Variants in NDNF observed in about 807,000 individuals in gnomAD.
NDNF encodes the protein protein NDNF.
A neutral mutation model predicts 42.0 loss-of-function variants in NDNF; 16 were observed. The ratio of observed to expected loss-of-function variants is 0.38; its 90% CI spans 0.26 to 0.58. The LOEUF (loss-of-function observed/expected upper bound fraction) is 0.58. NDNF is among the 20% of genes least tolerant of loss of function. The probability of loss-of-function intolerance (pLI) is 0.67; values close to 1 mark genes in which losing one functional copy is unlikely to be tolerated. For missense variants in NDNF, 616 were observed against 666.2 expected (o/e 0.92, Z 0.83); for synonymous variants, 248 against 251.7 (o/e 0.99, Z 0.14).
chr4:121,041,602 C>T lies in NDNF; in HGVS notation c.189-1548G>A, dbSNP rs149274544. Among the ~76,000 whole-genome samples the T allele has an allele frequency of 2.4e-4, 37 of 152,286 alleles. No homozygotes were observed. In the East Asian group the frequency reaches 5.2e-3, roughly 21 times the overall value. On this transcript the variant is annotated intron_variant, in intron 2 of 3. Transcript: ENST00000379692. ...AAACCTAAAGCTCCGATAGGACTCT[C>T]AGCTGGAAATCACATAGTACATTTG...
At position 121,050,557 on chromosome 4, in the gene NDNF, G is replaced by T. The variant is rs111595155; in HGVS notation, c.-1-4719C>A. ...GCTTTAGTTCAAACATAAGCTGAAA[G>T]TTGCTAGGATAATTCCAAATATTTT... is the stretch of plus-strand genomic sequence containing the variant. On this transcript the variant is annotated intron_variant, in intron 1 of 3. Coordinates refer to ENST00000379692, the MANE Select transcript of NDNF (RefSeq NM_024574.4). Among the ~76,000 whole-genome samples, 265 of 152,254 alleles carry T rather than the reference G, an allele frequency of 1.7e-3. 1 individual carries two copies. The highest frequency in any genetic ancestry group is 6.2e-3 in the African/African-American group (259 of 41,562).
intron 1 of NDNF, among the ~76,000 whole-genome samples, chr4:121,070,961 G>T (rs1044465367): frequency 6.6e-6 from 1 of 152,160 alleles, no homozygotes; most frequent in African/African-American, 2.4e-5. Flanking sequence ...CGGGTCCGGG[G>T]AACTGCCGGG....
At chr4:121,053,359 C>T (rs1338227089) in intron 1 of NDNF, among the ~76,000 whole-genome samples, 1 of 152,188 alleles carries the variant, frequency 6.6e-6, no homozygotes, top group African/African-American at 2.4e-5. Context: ...ACAGGGATAA[C>T]GTTAGGGCAT....
chr4:121,055,138 A>G (rs1727268584), intron 1 of NDNF, among the ~76,000 whole-genome samples: 1 of 152,168 alleles, frequency 6.6e-6, no homozygotes, highest in Non-Finnish European at 1.5e-5. Flanking sequence ...CTTTAAGCAC[A>G]GAAAGGCCAT....
intron 1 of NDNF, among the ~76,000 whole-genome samples, chr4:121,051,696 T>C (rs1489799752): frequency 1.3e-5 from 2 of 152,200 alleles, no homozygotes; most frequent in African/African-American, 2.4e-5. Context: ...CCCATCTGGG[T>C]TAAACCACTG....
chr4:121,040,673 T>C (rs1001656017), intron 2 of NDNF, among the ~76,000 whole-genome samples: 23 of 152,228 alleles, frequency 1.5e-4, no homozygotes, highest in African/African-American at 5.3e-4. Context: ...GAGACAGTCT[T>C]GTGCTGTCTC....
chr4:121,052,635 A>G (rs1727219366), intron 1 of NDNF, among the ~76,000 whole-genome samples: 1 of 152,182 alleles, frequency 6.6e-6, no homozygotes, highest in Non-Finnish European at 1.5e-5. Context: ...AGCTTTAGTT[A>G]GGGGAAGAGC....
chr4:121,064,969 G>A (rs1386736675), intron 1 of NDNF, among the ~76,000 whole-genome samples: 3 of 151,984 alleles, frequency 2.0e-5, no homozygotes, highest in Non-Finnish European at 2.9e-5. Flanking sequence ...ATGTTGCCCA[G>A]GCTGGACCGC....
intron 2 of NDNF, among the ~76,000 whole-genome samples, chr4:121,040,690 A>G (rs1426208780): frequency 6.6e-6 from 1 of 152,164 alleles, no homozygotes; most frequent in Non-Finnish European, 1.5e-5. Flanking sequence ...TCTCCCAGGC[A>G]GGAGTGCAGT....
intron 1 of NDNF, among the ~76,000 whole-genome samples, chr4:121,048,675 T>C (rs1034507659): frequency 6.6e-6 from 1 of 152,048 alleles, no homozygotes; most frequent in Non-Finnish European, 1.5e-5. Flanking sequence ...CCGTCTCTAC[T>C]AAAAATACAA....
At position 121,037,353 on chromosome 4, in the gene NDNF, T is replaced by C; in HGVS notation, c.618A>G (p.Lys206=). Residue 206 remains lysine (K), a synonymous_variant, in exon 4 of 4, where the codon AAA becomes AAG. Transcript: ENST00000379692. ...TGACCACACAGTACTGAATGGGTTG[T>C]TTCAGCAAAGAGGCAGTGGGGCTTG... The part of the protein sequence containing the change: ...WKPSPTASLL[K]QPIQYCVVIN... The C allele has an allele frequency of 6.2e-7, 1 of 1,614,122 alleles. No homozygotes were observed. Among genetic ancestry groups the C allele is most frequent in the South Asian group, 1.1e-5 (1 of 91,078 alleles).
intron 1 of NDNF, among the ~76,000 whole-genome samples, chr4:121,047,104 C>A (rs1727107502): frequency 2.0e-5 from 3 of 152,258 alleles, no homozygotes; most frequent in Middle Eastern, 3.4e-3. Flanking sequence ...CTATAATCAA[C>A]CTCTACTTAA....
At chr4:121,066,881 C>T (rs1247517941) in intron 1 of NDNF, among the ~76,000 whole-genome samples, 1 of 152,166 alleles carries the variant, frequency 6.6e-6, no homozygotes, top group African/African-American at 2.4e-5. Flanking sequence ...GAGCACACAG[C>T]TGGAAGAAGA....
At chr4:121,062,020 T>A (rs1216472126) in intron 1 of NDNF, among the ~76,000 whole-genome samples, 1 of 152,240 alleles carries the variant, frequency 6.6e-6, no homozygotes, top group Non-Finnish European at 1.5e-5. Flanking sequence ...TCAAATAGTG[T>A]AAGCCAGTTT....
chr4:121,053,490 C>T (rs11931196), intron 1 of NDNF, among the ~76,000 whole-genome samples: 12,423 of 152,148 alleles, frequency 0.082, 1,114 homozygotes, highest in African/African-American at 0.23. Context: ...TAATGAATAA[C>T]AGAACTGGCC....
chr4:121,052,991 C>G (rs1727225478), intron 1 of NDNF, among the ~76,000 whole-genome samples: 1 of 152,154 alleles, frequency 6.6e-6, no homozygotes, highest in Non-Finnish European at 1.5e-5. Context: ...TAGGTGAGCT[C>G]TCACTCTGCG....
rs866357633 is a variant in NDNF at position 121,039,208 on chromosome 4, A to G, written c.313+722T>C. ...TGTGTGTGTGTATATATATATATAT[A>G]TATATATATATATATATATATATAT... On this transcript the variant is annotated intron_variant, in intron 3 of 3. Transcript: ENST00000379692. Among the ~76,000 whole-genome samples, 292 of 93,690 alleles carry G rather than the reference A, an allele frequency of 3.1e-3. 29 individuals carry two copies. The highest frequency in any genetic ancestry group is 5.4e-3 in the Middle Eastern group (1 of 184). 61.5% of individuals were successfully genotyped at this position (93,690 alleles called of 152,430 possible). A position where few individuals can be genotyped will look rare whatever the true frequency, so the allele number is the denominator to read the frequency against.
chr4:121,066,379 T>C (rs1009536421), intron 1 of NDNF, among the ~76,000 whole-genome samples: 5 of 152,214 alleles, frequency 3.3e-5, no homozygotes, highest in Middle Eastern at 3.4e-3. Flanking sequence ...TTCTAATATA[T>C]AAATTATAAC....
chr4:121,037,252 G>C lies in NDNF; in HGVS notation c.719C>G (p.Ala240Gly). Residue 240 changes from alanine (A) to glycine (G), a missense_variant, in exon 4 of 4, where the codon GCA (alanine) becomes GGA (glycine). Coordinates refer to ENST00000379692, the MANE Select transcript of NDNF (RefSeq NM_024574.4). ...GCTGAAGTCCAGACCAGGTTTCGGT[G>C]CCATCATAAAAGCATCATCTGCACT... ...KLSADDAFMM[A>G]PKPGLDFSPF... The C allele has an allele frequency of 6.2e-7, 1 of 1,614,072 alleles. No homozygotes were observed. Among genetic ancestry groups the C allele is most frequent in the Non-Finnish European group, 8.5e-7 (1 of 1,180,006 alleles).
Sources: allele counts gnomAD v4.1 joint callset (sites outside exome capture counted in the v4.1 genomes callset), GRCh38; gene constraint gnomAD v4.1.1; transcripts MANE v1.5; gene names NCBI Gene and HGNC (gene_info 2026-07-23, HGNC 2026-07-21).